The following RAC2 variants were observed in gnomAD, a reference collection of about 807,000 sequenced individuals.
The protein encoded by RAC2 is Rac family small GTPase 2.
In RAC2, 1 loss-of-function variant was observed where a neutral mutation model predicts 24.0. The ratio of observed to expected loss-of-function variants is 0.04; its 90% CI spans 0.01 to 0.20. RAC2 has a LOEUF of 0.20. RAC2 is among the 10% of genes least tolerant of loss of function. The pLI is 1.00. For missense variants in RAC2, 130 were observed against 259.1 expected (o/e 0.50, Z 3.42); for synonymous variants, 114 against 106.8 (o/e 1.07, Z -0.41).
intron 1 of RAC2, 131 bp from the exon 2 acceptor site, chr22:37,241,789 G>T: frequency 1.3e-6 from 1 of 780,280 alleles, no homozygotes; most frequent in Non-Finnish European, 2.3e-6. Flanking sequence ...GTCTCCCCAT[G>T]TGAGATGCCC....
rs147161880 is a variant in RAC2, at chr22:37,226,800, G to A, written c.452C>T (p.Ser151Leu). 20 of 1,612,518 alleles carry A rather than the reference G, an allele frequency of 1.2e-5. No individual in the cohort carries two copies. Among genetic ancestry groups the A allele is most frequent in the Admixed American group, 5.0e-5 (3 of 59,920 alleles). Residue 151 changes from serine (S) to leucine (L), a missense_variant, in exon 6 of 7, where the codon TCG becomes TTG. By Grantham distance (145) the Ser-to-Leu change is moderately radical. This residue lies in a region of RAC2 where 119 missense variants were observed against 192.1 expected (regional missense o/e 0.62). Coordinates refer to ENST00000249071, the MANE Select transcript of RAC2 (RefSeq NM_002872.5). ...AGCTGAGCACTCCAGGTATTTCACCGAGTCTGGTTGGGGAGATGGACAGGA... is the reference window on the plus strand; with the variant it reads ...AGCTGAGCACTCCAGGTATTTCACCAAGTCTGGTTGGGGAGATGGACAGGA... ...QGLALAKEID[S>L]VKYLECSALT...
At chr22:37,229,701 T>C (rs141358630) in intron 5 of RAC2, among the ~76,000 whole-genome samples, 132 of 152,298 alleles carry the variant, frequency 8.7e-4, no homozygotes, top group African/African-American at 3.1e-3. Flanking sequence ...CCCAGCTCCA[T>C]GCAGGGTCAG....
intron 5 of RAC2, among the ~76,000 whole-genome samples, chr22:37,227,714 C>T (rs1171939944): frequency 2.0e-5 from 3 of 148,734 alleles, no homozygotes; most frequent in African/African-American, 7.5e-5. Context: ...CCTCCCAAGC[C>T]ATACAACTGA....
intron 2 of RAC2, among the ~76,000 whole-genome samples, chr22:37,233,237 T>C (rs779082775): frequency 7.9e-5 from 12 of 152,148 alleles, no homozygotes; most frequent in Non-Finnish European, 1.6e-4. Context: ...TAAACTTACC[T>C]CTCTCCCTAT....
At chr22:37,241,279 C>T in intron 2 of RAC2, 1 of 685,214 alleles carries the variant, frequency 1.5e-6, no homozygotes, top group South Asian at 1.6e-5. Context: ...GCAGAAGCTC[C>T]TCTCCCAGCT....
At chr22:37,237,506 G>C (rs1927265979) in intron 2 of RAC2, among the ~76,000 whole-genome samples, 1 of 152,128 alleles carries the variant, frequency 6.6e-6, no homozygotes, top group African/African-American at 2.4e-5. Context: ...CAGGGATGGG[G>C]CTGCCGAGAG....
intron 2 of RAC2, among the ~76,000 whole-genome samples, chr22:37,240,164 G>A (rs1157168027): frequency 1.3e-5 from 2 of 152,192 alleles, no homozygotes; most frequent in East Asian, 3.9e-4. Flanking sequence ...GGGGTTGGGG[G>A]TTGGGTAGTG....
intron 2 of RAC2, among the ~76,000 whole-genome samples, chr22:37,239,135 C>A (rs951389912): frequency 6.6e-6 from 1 of 152,164 alleles, no homozygotes; most frequent in South Asian, 2.1e-4. Flanking sequence ...TTCACAGGGG[C>A]ACAGGCATTG....
intron 1 of RAC2, among the ~76,000 whole-genome samples, chr22:37,242,564 T>C (rs1363515287): frequency 6.6e-6 from 1 of 152,138 alleles, no homozygotes; most frequent in East Asian, 1.9e-4. Flanking sequence ...GTTTTGTCAC[T>C]TCCTGCTCAG....
chr22:37,242,731 G>C (rs2145832041), intron 1 of RAC2, among the ~76,000 whole-genome samples: 1 of 152,374 alleles, frequency 6.6e-6, no homozygotes, highest in South Asian at 2.1e-4. Flanking sequence ...GGCGAGGGCA[G>C]ATAAGGAGCC....
chr22:37,231,794 A>T lies in RAC2; in HGVS notation c.288+138T>A. ...TCTTACCCCCTCAAGTCCCTCTGCC[A>T]GCCCTGGTTGGCACTGGGGACCCTC... is the stretch of plus-strand genomic sequence containing the variant. On this transcript the variant is annotated intron_variant, in intron 4 of 6. Coordinates refer to ENST00000249071, the MANE Select transcript of RAC2 (RefSeq NM_002872.5). This position sits in a 1 kb window ranked among gnomAD's most constrained non-coding sequence, Gnocchi z 5.5. 9.9e-7 allele frequency: 1 copy of T among 1,014,368 alleles called. No individual in the cohort carries two copies. Among genetic ancestry groups the T allele is most frequent in the Non-Finnish European group, 1.5e-6 (1 of 677,394 alleles). 62.8% of individuals were successfully genotyped at this position (1,014,368 alleles called of 1,614,324 possible). A position where few individuals can be genotyped will look rare whatever the true frequency, so the allele number is the denominator to read the frequency against.
chr22:37,230,292 GGGA>G (rs1243103430), intron 5 of RAC2, among the ~76,000 whole-genome samples: 1 of 151,890 alleles, frequency 6.6e-6, no homozygotes, highest in African/African-American at 2.4e-5. Context: ...GCGGTGGGGC[GGGA>G]GGAGGTCTAG....
At chr22:37,236,704 A>G (rs1013516861) in intron 2 of RAC2, among the ~76,000 whole-genome samples, 4 of 152,150 alleles carry the variant, frequency 2.6e-5, no homozygotes, top group African/African-American at 9.7e-5. Flanking sequence ...CCACCACCGA[A>G]GCCCACCCCC....
At chr22:37,232,778 C>T in intron 3 of RAC2, 23 bp downstream of exon 3, 3 of 1,589,050 alleles carry the variant, frequency 1.9e-6, no homozygotes, top group Non-Finnish European at 2.6e-6. Context: ...GTCAGGACTG[C>T]AAGGCAGGTG....
At position 37,240,404 on chromosome 22, in the gene RAC2, C is replaced by T. The variant is rs1218951599; in HGVS notation, c.107+1183G>A. Among the ~76,000 whole-genome samples the T allele has an allele frequency of 2.0e-5, 3 of 152,346 alleles. No individual in the cohort carries two copies. In the East Asian group the frequency reaches 5.8e-4, roughly 29 times the overall value. ...TTAGTGGCTGTGAGGCTCAGCTTCC[C>T]CATGGGTGTCCTGTGCATGCTAATA... On this transcript the variant is annotated intron_variant, in intron 2 of 6. Coordinates refer to ENST00000249071, the MANE Select transcript of RAC2 (RefSeq NM_002872.5).
intron 2 of RAC2, chr22:37,240,842 A>G (rs1927365695): frequency 3.4e-6 from 2 of 596,780 alleles, no homozygotes; most frequent in Non-Finnish European, 6.1e-6. Flanking sequence ...GGGAGAGAGA[A>G]CAGCTTGAGC....
At chr22:37,232,641 C>G in intron 3 of RAC2, 160 bp downstream of exon 3, 1 of 665,572 alleles carries the variant, frequency 1.5e-6, no homozygotes, top group South Asian at 1.7e-5. Context: ...CAAGAGGAAG[C>G]CCTTCTCTGC....
intron 2 of RAC2, among the ~76,000 whole-genome samples, chr22:37,236,223 G>C (rs1184096426): frequency 6.6e-6 from 1 of 152,210 alleles, no homozygotes; most frequent in African/African-American, 2.4e-5. Context: ...ATGCTGAGAA[G>C]CTAAGCAGTC....
chr22:37,241,296 C>T, intron 2 of RAC2: 1 of 665,310 alleles, frequency 1.5e-6, no homozygotes. Flanking sequence ...AGCTCCTGCT[C>T]TTGCCTGAGC....
Sources: gnomAD v4.1 joint callset for allele counts (sites outside exome capture counted in the v4.1 genomes callset) on GRCh38, gnomAD v4.1.1 for gene constraint, gnomAD v4.1.1 regional missense constraint, Gnocchi (gnomAD v3.1) non-coding constraint, MANE v1.5 for transcripts, NCBI Gene and HGNC (gene_info 2026-07-23, HGNC 2026-07-21) for gene names.